The following MEGF11 variants were observed in gnomAD, a reference collection of about 807,000 sequenced individuals.
MEGF11 encodes multiple EGF like domains 11.
In MEGF11, 126 loss-of-function variants were observed where a neutral mutation model predicts 146.6. The ratio of observed to expected loss-of-function variants is 0.86; its 90% CI spans 0.74 to 1.00. The LOEUF (loss-of-function observed/expected upper bound fraction) is 1.00. Ranked by LOEUF, MEGF11 falls within the 50% of genes least tolerant of loss-of-function variation. The pLI, the probability that MEGF11 is intolerant of heterozygous loss-of-function variation, is 0.00. For missense variants in MEGF11, 1,509 were observed against 1,521.2 expected, an observed-to-expected ratio of 0.99 and a Z score of 0.13; for synonymous variants, 532 against 583.4, an observed-to-expected ratio of 0.91 and a Z score of 1.27.
intron 2 of MEGF11, among the ~76,000 whole-genome samples, chr15:66,127,030 A>G (rs2140953701): frequency 6.6e-6 from 1 of 152,338 alleles, no homozygotes; most frequent in Non-Finnish European, 1.5e-5. Flanking sequence ...ACTGACGCTT[A>G]TGGCCCTCAA....
intron 5 of MEGF11, among the ~76,000 whole-genome samples, chr15:65,990,121 G>A (rs902172652): frequency 5.9e-5 from 9 of 152,162 alleles, no homozygotes; most frequent in African/African-American, 2.2e-4. Context: ...TGAGGTAAGA[G>A]GATCACTTGA....
chr15:66,019,793 C>T (rs1044108694), intron 5 of MEGF11, among the ~76,000 whole-genome samples: 1 of 152,240 alleles, frequency 6.6e-6, no homozygotes, highest in African/African-American at 2.4e-5. Flanking sequence ...TATGAAAAAC[C>T]TCACATGCAT....
chr15:66,136,244 C>T (rs1449129446), intron 1 of MEGF11, among the ~76,000 whole-genome samples: 18 of 152,322 alleles, frequency 1.2e-4, no homozygotes, highest in South Asian at 8.3e-4. Flanking sequence ...TGGTGAAACG[C>T]GGAGATCAGT....
chr15:65,973,148 A>G (rs566833288), intron 7 of MEGF11, among the ~76,000 whole-genome samples: 3 of 152,186 alleles, frequency 2.0e-5, no homozygotes, highest in Admixed American at 6.5e-5. Context: ...TACCCAAGAA[A>G]AAGAAAGGCA....
intron 10 of MEGF11, among the ~76,000 whole-genome samples, chr15:65,938,821 G>C (rs763385285): frequency 6.6e-6 from 1 of 152,180 alleles, no homozygotes; most frequent in Non-Finnish European, 1.5e-5. Flanking sequence ...TGATGGCACA[G>C]GCCCAGACCC....
intron 1 of MEGF11, among the ~76,000 whole-genome samples, chr15:66,204,821 A>G (rs1408213690): frequency 1.3e-5 from 2 of 152,254 alleles, no homozygotes; most frequent in South Asian, 2.1e-4. Flanking sequence ...TAAAGTAAGC[A>G]TATTTTTCCC....
intron 1 of MEGF11, among the ~76,000 whole-genome samples, chr15:66,175,436 G>A (rs2090367418): frequency 6.6e-6 from 1 of 152,116 alleles, no homozygotes; most frequent in African/African-American, 2.4e-5. Flanking sequence ...CAAAGCTATA[G>A]TAACCAAAAA....
chr15:66,230,729 T>G (rs550001451), intron 1 of MEGF11, among the ~76,000 whole-genome samples: 8 of 152,364 alleles, frequency 5.3e-5, no homozygotes, highest in African/African-American at 1.9e-4. Context: ...GATGCGGACG[T>G]GGGAGTGCAC....
intron 1 of MEGF11, among the ~76,000 whole-genome samples, chr15:66,130,238 A>G (rs1180732359): frequency 6.6e-6 from 1 of 152,214 alleles, no homozygotes; most frequent in Non-Finnish European, 1.5e-5. Context: ...AAGTGGAACA[A>G]GCATCTTCTT....
At chr15:66,049,164 G>C (rs2084351039) in intron 5 of MEGF11, among the ~76,000 whole-genome samples, 2 of 152,318 alleles carry the variant, frequency 1.3e-5, no homozygotes, top group Admixed American at 6.5e-5. Flanking sequence ...TTGGCTCCCA[G>C]ATGGGCTATT....
At chr15:66,118,414 A>G (rs2087841467) in intron 4 of MEGF11, among the ~76,000 whole-genome samples, 1 of 152,208 alleles carries the variant, frequency 6.6e-6, no homozygotes, top group South Asian at 2.1e-4. Flanking sequence ...AGCTGCCAGC[A>G]ACTCAGCTCT....
chr15:66,253,742 G>A lies in MEGF11; in HGVS notation c.-146C>T, dbSNP rs2092409712. Reference sequence around the variant, plus strand: ...GCCGGGCGGCGGGCAGCGGGCACCGGGAGCGACTGAGCGAGCGAGCGAGCG... The same window carrying A: ...GCCGGGCGGCGGGCAGCGGGCACCGAGAGCGACTGAGCGAGCGAGCGAGCG... On this transcript the variant is annotated 5_prime_UTR_variant, in exon 1 of 26. Transcript: ENST00000395614. 1 of 152,408 alleles carries A rather than the reference G, an allele frequency of 6.6e-6. No homozygotes were observed. The highest frequency in any genetic ancestry group is 2.4e-5 in the African/African-American group (1 of 41,402). The allele number at this position is 152,408 out of a possible 1,614,324, so 9.4% of individuals were successfully genotyped here.
At chr15:65,998,684 G>C (rs1334714963) in intron 5 of MEGF11, among the ~76,000 whole-genome samples, 1 of 152,150 alleles carries the variant, frequency 6.6e-6, no homozygotes, top group Non-Finnish European at 1.5e-5. Flanking sequence ...ATGCAGCTGA[G>C]AGTTATGGCA....
At chr15:66,016,179 A>G (rs2082878990) in intron 5 of MEGF11, among the ~76,000 whole-genome samples, 1 of 152,168 alleles carries the variant, frequency 6.6e-6, no homozygotes, top group Non-Finnish European at 1.5e-5. Context: ...TGTTTCAACT[A>G]TATCATGCTC....
At chr15:65,961,408 G>A (rs757133900) in intron 9 of MEGF11, among the ~76,000 whole-genome samples, 3 of 152,202 alleles carry the variant, frequency 2.0e-5, no homozygotes, top group Non-Finnish European at 4.4e-5. Context: ...GCTGCTATGA[G>A]ATTTCTATCA....
chr15:65,933,211 T>A (rs1278101306), intron 10 of MEGF11, among the ~76,000 whole-genome samples: 1 of 152,106 alleles, frequency 6.6e-6, no homozygotes, highest in African/African-American at 2.4e-5. Flanking sequence ...CCAGTTGGAG[T>A]CTGTCAGCTT....
At chr15:65,908,208 C>G (rs1205112519) in intron 23 of MEGF11, among the ~76,000 whole-genome samples, 2 of 152,212 alleles carry the variant, frequency 1.3e-5, no homozygotes, top group African/African-American at 4.8e-5. Context: ...CCTGGTATTA[C>G]TGGACCCAGG....
intron 4 of MEGF11, among the ~76,000 whole-genome samples, chr15:66,106,668 T>C (rs1267261520): frequency 3.3e-5 from 5 of 152,226 alleles, no homozygotes; most frequent in Middle Eastern, 6.8e-3. Flanking sequence ...TCAGCTGGTA[T>C]AACACGCCTG....
intron 3 of MEGF11, among the ~76,000 whole-genome samples, chr15:66,122,904 C>T (rs2088111453): frequency 6.6e-6 from 1 of 152,122 alleles, no homozygotes; most frequent in Non-Finnish European, 1.5e-5. Context: ...TTGCCTCAGC[C>T]TCCCTAGTAG....
Sources: allele counts gnomAD v4.1 joint callset (sites outside exome capture counted in the v4.1 genomes callset), GRCh38; gene constraint gnomAD v4.1.1; transcripts MANE v1.5; gene names NCBI Gene and HGNC (gene_info 2026-07-23, HGNC 2026-07-21).